Variants in MARCHF1 observed in about 807,000 individuals in gnomAD.
MARCHF1 encodes E3 ubiquitin-protein ligase MARCHF1.
Under a neutral mutation model 54.2 loss-of-function variants are expected in MARCHF1, and 40 were observed. The ratio of observed to expected loss-of-function variants is 0.74; its 90% CI spans 0.57 to 0.96. The LOEUF is 0.96. MARCHF1 is among the 40% of genes least tolerant of loss of function. MARCHF1 has a pLI of 0.00. For missense variants in MARCHF1, 586 were observed against 656.5 expected (o/e 0.89, Z 1.17); for synonymous variants, 236 against 236.3 (o/e 1.00, Z 0.01).
At chr4:164,242,309 G>C (rs868003005) in intron 1 of MARCHF1, among the ~76,000 whole-genome samples, 135 of 145,372 alleles carry the variant, frequency 9.3e-4, no homozygotes, top group African/African-American at 3.3e-3. Flanking sequence ...TCCTCAAGTG[G>C]GTCCCTGACC....
At chr4:163,727,601 G>A (rs1466397888) in intron 4 of MARCHF1, among the ~76,000 whole-genome samples, 1 of 142,186 alleles carries the variant, frequency 7.0e-6, no homozygotes, top group Non-Finnish European at 1.6e-5. Flanking sequence ...CAACGCACCT[G>A]GCCCTAAATT....
intron 2 of MARCHF1, among the ~76,000 whole-genome samples, chr4:164,043,250 C>T (rs1754166729): frequency 6.6e-6 from 1 of 152,204 alleles, no homozygotes; most frequent in Admixed American, 6.5e-5. Flanking sequence ...GGCTCCATCC[C>T]TGCAGCAGAC....
chr4:164,135,723 A>C (rs2110835418), intron 1 of MARCHF1, among the ~76,000 whole-genome samples: 2 of 152,366 alleles, frequency 1.3e-5, no homozygotes, highest in Middle Eastern at 6.8e-3. Flanking sequence ...AGCCATCAAC[A>C]AAAATAAGTT....
chr4:163,784,448 G>T (rs932989758), intron 4 of MARCHF1, among the ~76,000 whole-genome samples: 1 of 152,054 alleles, frequency 6.6e-6, no homozygotes, highest in East Asian at 1.9e-4. Context: ...CAGAACAAAT[G>T]ATTTGACTGG....
rs141188856 is a variant in MARCHF1, at chr4:163,613,680, T to C, written c.163-287A>G. 695 of 1,263,230 alleles carry C rather than the reference T, an allele frequency of 5.5e-4. 12 individuals carry two copies. The Admixed American group carries it at 0.019, about 35-fold the overall frequency. The allele number at this position is 1,263,230 out of a possible 1,614,324, so 78.3% of individuals were successfully genotyped here. On this transcript the variant is annotated intron_variant, in intron 5 of 9. Coordinates refer to ENST00000514618, the MANE Select transcript of MARCHF1 (RefSeq NM_001394959.1). ...ATTCTATTTACTGTAATCATTTGAGTGGAATAGCTCAATTTGCTTTGGAAA... is the reference window on the plus strand; with the variant it reads ...ATTCTATTTACTGTAATCATTTGAGCGGAATAGCTCAATTTGCTTTGGAAA...
intron 4 of MARCHF1, among the ~76,000 whole-genome samples, chr4:163,744,530 A>G (rs977933362): frequency 9.8e-5 from 15 of 152,344 alleles, no homozygotes; most frequent in South Asian, 4.1e-4. Flanking sequence ...TATAAAATGG[A>G]AAAACATACT....
intron 9 of MARCHF1, among the ~76,000 whole-genome samples, chr4:163,531,072 A>C (rs1992440): frequency 0.54 from 81,734 of 151,606 alleles, 22,679 homozygotes; most frequent in Admixed American, 0.68. Flanking sequence ...AGAAGAAATG[A>C]CATCAATGTT....
chr4:163,681,314 A>G lies in MARCHF1; in HGVS notation c.162+19499T>C, dbSNP rs149791914. Among the ~76,000 whole-genome samples the G allele has an allele frequency of 1.3e-3, 200 of 152,314 alleles. 3 individuals are homozygous for G. The East Asian group carries it at 0.033, about 25-fold the overall frequency. ...TGTGGTTGGGAGAATGTTTCCATCTATCTCAAGCCAAGTAAGGGAAGCTCT... is the reference window on the plus strand; with the variant it reads ...TGTGGTTGGGAGAATGTTTCCATCTGTCTCAAGCCAAGTAAGGGAAGCTCT... On this transcript the variant is annotated intron_variant, in intron 5 of 9. Transcript: ENST00000514618.
At chr4:163,661,395 T>A (rs1743338440) in intron 5 of MARCHF1, among the ~76,000 whole-genome samples, 1 of 152,000 alleles carries the variant, frequency 6.6e-6, no homozygotes, top group Non-Finnish European at 1.5e-5. Flanking sequence ...AAATTTTGGC[T>A]TTTTAGGCAT....
At chr4:163,853,342 G>A (rs751010964) in intron 4 of MARCHF1, among the ~76,000 whole-genome samples, 3 of 152,094 alleles carry the variant, frequency 2.0e-5, no homozygotes, top group Non-Finnish European at 4.4e-5. Context: ...CTTGGAAACC[G>A]AATGGAATTT....
At chr4:164,337,735 C>T (rs755260134) in intron 1 of MARCHF1, among the ~76,000 whole-genome samples, 3 of 152,178 alleles carry the variant, frequency 2.0e-5, no homozygotes, top group African/African-American at 7.2e-5. Flanking sequence ...ATGAGTTTTG[C>T]AGACAGTTTA....
At chr4:163,937,892 T>C (rs924501273) in intron 3 of MARCHF1, among the ~76,000 whole-genome samples, 6 of 152,070 alleles carry the variant, frequency 3.9e-5, no homozygotes, top group Non-Finnish European at 7.4e-5. Context: ...TTAAGAAAAA[T>C]AGTGAAAGAT....
At chr4:163,790,653 A>G (rs927442548) in intron 4 of MARCHF1, among the ~76,000 whole-genome samples, 4 of 152,168 alleles carry the variant, frequency 2.6e-5, no homozygotes, top group African/African-American at 9.6e-5. Flanking sequence ...TATCTGCAGT[A>G]TAAGCATAAT....
intron 3 of MARCHF1, among the ~76,000 whole-genome samples, chr4:163,857,118 A>C (rs1278818877): frequency 1.3e-5 from 2 of 151,458 alleles, no homozygotes; most frequent in African/African-American, 4.8e-5. Flanking sequence ...AAAAAAAAAA[A>C]AACAAGGAAA....
chr4:163,770,193 T>G (rs10013393), intron 4 of MARCHF1, among the ~76,000 whole-genome samples: 47,367 of 151,986 alleles, frequency 0.31, 9,028 homozygotes, highest in Non-Finnish European at 0.44. Context: ...GTAGGGCAAG[T>G]TTTTGGGTAG....
intron 3 of MARCHF1, among the ~76,000 whole-genome samples, chr4:163,967,914 A>G (rs1260530302): frequency 6.6e-6 from 1 of 152,082 alleles, no homozygotes; most frequent in East Asian, 1.9e-4. Context: ...ACCTGATTGG[A>G]TGAGACCCAC....
chr4:163,987,620 C>G (rs1406070699), intron 3 of MARCHF1, among the ~76,000 whole-genome samples: 1 of 152,130 alleles, frequency 6.6e-6, no homozygotes, highest in Non-Finnish European at 1.5e-5. Flanking sequence ...CCATCTCCTA[C>G]AAAGCTAAGG....
intron 9 of MARCHF1, among the ~76,000 whole-genome samples, chr4:163,543,328 C>T (rs905573079): frequency 2.6e-5 from 4 of 151,548 alleles, no homozygotes; most frequent in African/African-American, 7.3e-5. Flanking sequence ...CAGAGGCATT[C>T]GAGACAGAGT....
intron 8 of MARCHF1, among the ~76,000 whole-genome samples, chr4:163,566,875 C>G (rs1307529219): frequency 3.3e-5 from 5 of 152,136 alleles, no homozygotes; most frequent in Admixed American, 6.5e-5. Context: ...TAGAATTTCT[C>G]ATTAAATCAA....
Sources: allele counts gnomAD v4.1 joint callset (sites outside exome capture counted in the v4.1 genomes callset), GRCh38; gene constraint gnomAD v4.1.1; transcripts MANE v1.5; gene names NCBI Gene and HGNC (gene_info 2026-07-23, HGNC 2026-07-21).